Variants in FSD1 observed in about 807,000 individuals in gnomAD.
FSD1 encodes fibronectin type III and SPRY domain containing 1.
Under a neutral mutation model 58.2 loss-of-function variants are expected in FSD1, and 23 were observed. That is an observed-to-expected ratio of 0.40 (90% confidence interval 0.28 to 0.56). FSD1 has a LOEUF of 0.56. FSD1 is among the 20% of genes least tolerant of loss of function. FSD1 has a pLI of 0.54. For synonymous variants in FSD1, 265 were observed against 263.4 expected (o/e 1.01, Z -0.06); for missense variants, 563 against 670.8 (o/e 0.84, Z 1.78).
chr19:4,309,908 C>CAA (rs796584941), intron 4 of FSD1, among the ~76,000 whole-genome samples: 8 of 115,998 alleles, frequency 6.9e-5, no homozygotes, highest in African/African-American at 2.0e-4. Flanking sequence ...GACTCCATCT[C>CAA]AAAAAAAAAA....
At chr19:4,319,098 C>T (rs1215472993) in intron 10 of FSD1, 147 bp downstream of exon 10, 1 of 662,342 alleles carries the variant, frequency 1.5e-6, no homozygotes, top group Non-Finnish European at 2.7e-6. Flanking sequence ...CTGGCACTGC[C>T]CAAATGGAAA....
Position 4,310,504 on chromosome 19 carries a change from C to G in FSD1, c.398C>G (p.Ser133Ter). 1 of 1,613,482 alleles carries G rather than the reference C, an allele frequency of 6.2e-7. No individual in the cohort carries two copies. The highest frequency in any genetic ancestry group is 8.5e-7 in the Non-Finnish European group (1 of 1,179,544). ...ACCATGGCCCCTGCCTTCCGGCTATCATTGAAAGCGAAGGTCAGTGACAAC... is the reference window on the plus strand; with the variant it reads ...ACCATGGCCCCTGCCTTCCGGCTATGATTGAAAGCGAAGGTCAGTGACAAC... ...GVTMAPAFRLSLKAKVSDNMS... is the reference protein window; with the variant it reads ...GVTMAPAFRL Residue 133 changes from serine (S) to a stop codon, truncating the protein, a stop_gained, in exon 6 of 13, where the codon TCA (serine) becomes TGA (stop). Transcript: ENST00000221856. LOFTEE classifies it high-confidence loss of function.
intron 1 of FSD1, 151 bp from the exon 2 acceptor site, chr19:4,305,795 C>CGCATGTGTGT (rs964568065): frequency 3.0e-6 from 2 of 660,944 alleles, no homozygotes; most frequent in African/African-American, 3.5e-5. Flanking sequence ...TGTGTGTGTG[C>CGCATGTGTGT]GCATGTGTGT....
chr19:4,320,215 G>T (rs535666245), intron 10 of FSD1, among the ~76,000 whole-genome samples: 1 of 152,030 alleles, frequency 6.6e-6, no homozygotes, highest in Non-Finnish European at 1.5e-5. Context: ...TGGAGTTGGG[G>T]TCTGGATAGA....
chr19:4,310,611 C>T lies in FSD1; in HGVS notation c.490+15C>T, dbSNP rs1256117012. ...GTTCCTGCCTGGTGAGAGGGGCACG[C>T]ACTAGAGGGCCAGGACTTCCGGGGA... On this transcript the variant is annotated intron_variant, in intron 6 of 12. Coordinates refer to ENST00000221856, the MANE Select transcript of FSD1 (RefSeq NM_024333.3). 1 of 1,609,322 alleles carries T rather than the reference C, an allele frequency of 6.2e-7. No homozygotes were observed. Among genetic ancestry groups the T allele is most frequent in the Admixed American group, 1.7e-5 (1 of 59,868 alleles).
At chr19:4,314,066 G>A (rs1443966521) in intron 7 of FSD1, among the ~76,000 whole-genome samples, 1 of 152,126 alleles carries the variant, frequency 6.6e-6, no homozygotes, top group Non-Finnish European at 1.5e-5. Context: ...CTGATCCAGG[G>A]GAATCCCGGA....
At chr19:4,313,182 T>TAA (rs879330817) in intron 7 of FSD1, among the ~76,000 whole-genome samples, 2 of 134,006 alleles carry the variant, frequency 1.5e-5, no homozygotes, top group Non-Finnish European at 3.2e-5. Context: ...AGCCCATCTA[T>TAA]AAAAAAAAAA....
chr19:4,314,218 C>T (rs1480976517), intron 7 of FSD1, among the ~76,000 whole-genome samples: 6 of 152,114 alleles, frequency 3.9e-5, no homozygotes, highest in Non-Finnish European at 7.4e-5. Flanking sequence ...AAGTCATCAG[C>T]CTCAGGAGCT....
At chr19:4,316,597 C>T (rs370226207) in intron 7 of FSD1, among the ~76,000 whole-genome samples, 1 of 150,486 alleles carries the variant, frequency 6.6e-6, no homozygotes, top group Non-Finnish European at 1.5e-5. Flanking sequence ...GGAGTGCAGT[C>T]GTGCAGTACA....
chr19:4,318,964 A>G lies in FSD1; in HGVS notation c.1039+13A>G. 6.2e-7 allele frequency: 1 copy of G among 1,608,786 alleles called. No individual in the cohort carries two copies. Among genetic ancestry groups the G allele is most frequent in the South Asian group, 1.1e-5 (1 of 90,992 alleles). On this transcript the variant is annotated intron_variant, in intron 10 of 12. Coordinates refer to ENST00000221856, the MANE Select transcript of FSD1 (RefSeq NM_024333.3). ...TACACAGTTCTGGGTAAGGAAGGGG[A>G]GAAGAAAGGGGAGAGGGGAGTTTTG...
Position 4,323,569 on chromosome 19 carries a change from C to T in FSD1, c.1417C>T (p.Gln473Ter). The part of the protein sequence containing the change: ...CGSFQVTTGL[Q>*]VPSAVRCLQK... Reference sequence around the variant, plus strand: ...CAGCTTCCAGGTGACGACAGGCCTGCAGGTCCCCAGTGCTGTGCGCTGCCT... The same window carrying T: ...CAGCTTCCAGGTGACGACAGGCCTGTAGGTCCCCAGTGCTGTGCGCTGCCT... Residue 473 changes from glutamine to a stop codon, truncating the protein, a stop_gained, in exon 13 of 13, where the codon CAG (glutamine) becomes TAG (stop). Transcript: ENST00000221856. LOFTEE classifies it high-confidence loss of function. The surrounding 1 kb of genome is among the most constrained non-coding windows in gnomAD (Gnocchi z 7.7). 1 of 1,613,126 alleles carries T rather than the reference C, an allele frequency of 6.2e-7. No homozygotes were observed. The highest frequency in any genetic ancestry group is 1.1e-5 in the South Asian group (1 of 91,028).
At chr19:4,307,336 A>G (rs1971633451) in intron 3 of FSD1, among the ~76,000 whole-genome samples, 1 of 150,938 alleles carries the variant, frequency 6.6e-6, no homozygotes, top group South Asian at 2.1e-4. Flanking sequence ...GATTACAGGC[A>G]TGAGCCTCTG....
chr19:4,318,470 G>A lies in FSD1; in HGVS notation c.924G>A (p.Lys308=), dbSNP rs930164802. ...QDIKAREKDG[K]GRTASPINSP... ...TCAAGGCTCGCGAGAAAGATGGCAA[G>A]GGGCGGACGGCGTCTCCCATCAACT... Residue 308 remains lysine (K), a synonymous_variant, in exon 9 of 13, where the codon AAG becomes AAA. Transcript: ENST00000221856. The A allele has an allele frequency of 1.2e-6, 2 of 1,613,144 alleles. No homozygotes were observed. Among genetic ancestry groups the A allele is most frequent in the Non-Finnish European group, 1.7e-6 (2 of 1,179,632 alleles).
In FSD1 at chr19:4,323,625, C is replaced by A; in HGVS notation, c.1473C>A (p.Ser491=). The A allele has an allele frequency of 6.2e-7, 1 of 1,612,368 alleles. No individual in the cohort carries two copies. The highest frequency in any genetic ancestry group is 8.5e-7 in the Non-Finnish European group (1 of 1,179,030). The part of the protein sequence containing the change: ...LQKRGSATSS[S]NTSLT ...AGCGAGGCAGTGCTACCAGCAGCTC[C>A]AACACCAGCCTCACCTAGGCCCCCA... The change falls in exon 13 of 13, where the codon TCC becomes TCA. Residue 491 remains serine, a synonymous_variant. Coordinates refer to ENST00000221856, the MANE Select transcript of FSD1 (RefSeq NM_024333.3). This position sits in a 1 kb window ranked among gnomAD's most constrained non-coding sequence, Gnocchi z 7.7.
Position 4,311,958 on chromosome 19 carries a change from C to T in FSD1, c.607C>T (p.Arg203Trp), listed in dbSNP as rs1421541017. ...SKIDHYVLEY[R>W]RTNFEGPPRL... Reference sequence around the variant, plus strand: ...GATTGACCACTACGTGCTGGAGTACCGGCGGACCAACTTCGAGGGCCCGCC... The same window carrying T: ...GATTGACCACTACGTGCTGGAGTACTGGCGGACCAACTTCGAGGGCCCGCC... The change falls in exon 7 of 13, where the codon CGG becomes TGG. Residue 203 changes from arginine (R) to tryptophan (W), a missense_variant. Transcript: ENST00000221856. The T allele has an allele frequency of 5.6e-6, 9 of 1,612,956 alleles. No homozygotes were observed. Among genetic ancestry groups the T allele is most frequent in the Middle Eastern group, 1.7e-4 (1 of 6,002 alleles).
chr19:4,307,900 A>G lies in FSD1; in HGVS notation c.262A>G (p.Thr88Ala). The G allele has an allele frequency of 6.2e-7, 1 of 1,613,532 alleles. No homozygotes were observed. The highest frequency in any genetic ancestry group is 8.5e-7 in the Non-Finnish European group (1 of 1,179,806). Residue 88 changes from threonine (T) to alanine (A), a missense_variant, in exon 4 of 13, where the codon ACG becomes GCG. Thr to Ala is a moderately conservative substitution (Grantham distance 58). Coordinates refer to ENST00000221856, the MANE Select transcript of FSD1 (RefSeq NM_024333.3). The stretch of plus-strand genomic sequence containing the variant: ...TCCACAGAACCAGCTGGCTGCCTGC[A>G]CGCGGGCCCTGGAGAGCTCCGAGGA... ...YELQNQLAAC[T>A]RALESSEELL... is the part of the protein sequence containing the mutation.
intron 9 of FSD1, 73 bp from the exon 10 acceptor site, chr19:4,318,799 G>A: frequency 1.6e-6 from 2 of 1,234,460 alleles, no homozygotes; most frequent in Non-Finnish European, 2.4e-6. Context: ...GGGTGGACTA[G>A]GGTAGCCTTA....
chr19:4,308,004 C>A lies in FSD1; in HGVS notation c.345+21C>A, dbSNP rs369662393. ...CTCAGGTGGGTGCCTCTGATGCTGC[C>A]AGGTAAAGAACAGTGTGCCCAGTCA... is the stretch of plus-strand genomic sequence containing the variant. On this transcript the variant is annotated intron_variant, in intron 4 of 12. Coordinates refer to ENST00000221856, the MANE Select transcript of FSD1 (RefSeq NM_024333.3). 77 of 1,580,134 alleles carry A rather than the reference C, an allele frequency of 4.9e-5. No individual in the cohort carries two copies. The Middle Eastern group carries it at 6.6e-4, about 14-fold the overall frequency.
chr19:4,316,956 T>C (rs1232593050), intron 7 of FSD1, among the ~76,000 whole-genome samples: 1 of 152,088 alleles, frequency 6.6e-6, no homozygotes, highest in Non-Finnish European at 1.5e-5. Context: ...TTTCACCATA[T>C]TGGTCAGGCT....
Sources: gnomAD v4.1 joint callset for allele counts (sites outside exome capture counted in the v4.1 genomes callset) on GRCh38, gnomAD v4.1.1 for gene constraint, Gnocchi (gnomAD v3.1) non-coding constraint, MANE v1.5 for transcripts, NCBI Gene and HGNC (gene_info 2026-07-23, HGNC 2026-07-21) for gene names.